Variants in HOMER1 observed in about 807,000 individuals in gnomAD.
The protein encoded by HOMER1 is homer protein homolog 1.
A neutral mutation model predicts 48.9 loss-of-function variants in HOMER1; 3 were observed. The ratio of observed to expected loss-of-function variants is 0.06; its 90% CI spans 0.03 to 0.16. The LOEUF (loss-of-function observed/expected upper bound fraction) is 0.16. HOMER1 is among the 10% of genes least tolerant of loss of function. The pLI, the probability that HOMER1 is intolerant of heterozygous loss-of-function variation, is 1.00. For synonymous variants in HOMER1, 134 were observed against 146.4 expected (o/e 0.92, Z 0.61); for missense variants, 247 against 411.4 (o/e 0.60, Z 3.46).
At position 79,372,647 on chromosome 5, in the gene HOMER1, T is replaced by C. The variant is rs890324004; in HGVS notation, c.*3362A>G. On this transcript the variant is annotated 3_prime_UTR_variant, in exon 9 of 9. Transcript: ENST00000334082. ...ATTTGATATCAAATAAATGCAATGG[T>C]TAAAACAACAATAAGAATCCACTGC... 1 of 152,108 alleles carries C rather than the reference T, an allele frequency of 6.6e-6. No individual in the cohort carries two copies. Among genetic ancestry groups the C allele is most frequent in the African/African-American group, 2.4e-5 (1 of 41,420 alleles). The allele number at this position is 152,108 out of a possible 1,614,324, so 9.4% of individuals were successfully genotyped here. A position where few individuals can be genotyped will look rare whatever the true frequency, so the allele number is the denominator to read the frequency against.
chr5:79,456,787 T>C, intron 2 of HOMER1, 75 bp downstream of exon 2: 1 of 1,251,810 alleles, frequency 8.0e-7, no homozygotes, highest in South Asian at 1.6e-5. Context: ...GAAGATAAAA[T>C]GTTCTGAATA....
intron 5 of HOMER1, among the ~76,000 whole-genome samples, chr5:79,407,425 A>G (rs1297467988): frequency 6.6e-6 from 1 of 152,260 alleles, no homozygotes; most frequent in Non-Finnish European, 1.5e-5. Context: ...TAAGATAGCA[A>G]TGTTAAAGGT....
intron 1 of HOMER1, among the ~76,000 whole-genome samples, chr5:79,484,232 A>G (rs1297943361): frequency 6.6e-6 from 1 of 152,146 alleles, no homozygotes; most frequent in Admixed American, 6.5e-5. Flanking sequence ...AATCATTTAA[A>G]AAGAAAAGGT....
At chr5:79,491,530 C>T (rs576480242) in intron 1 of HOMER1, among the ~76,000 whole-genome samples, 5 of 149,478 alleles carry the variant, frequency 3.3e-5, no homozygotes, top group Middle Eastern at 3.5e-3. Flanking sequence ...CTTGCTTGGG[C>T]TTTCTTTATG....
intron 5 of HOMER1, among the ~76,000 whole-genome samples, chr5:79,422,836 TTTTTTTTTTTG>T (rs1056562823): frequency 1.4e-5 from 2 of 142,616 alleles, no homozygotes; most frequent in African/African-American, 5.9e-5. Context: ...TCTTTTTTTT[TTTTTTTTTTTG>T]GCTAGTCAAG....
chr5:79,454,440 G>A (rs996098415), intron 2 of HOMER1, among the ~76,000 whole-genome samples: 7 of 151,484 alleles, frequency 4.6e-5, no homozygotes, highest in African/African-American at 1.7e-4. Context: ...AGAATTCAAG[G>A]TTCAAATAAG....
intron 1 of HOMER1, among the ~76,000 whole-genome samples, chr5:79,498,017 T>A (rs1752475049): frequency 6.6e-6 from 1 of 152,158 alleles, no homozygotes; most frequent in African/African-American, 2.4e-5. Context: ...TGATGCAGGT[T>A]CAAAATTGAG....
At chr5:79,500,783 C>T (rs938172414) in intron 1 of HOMER1, among the ~76,000 whole-genome samples, 2 of 151,946 alleles carry the variant, frequency 1.3e-5, no homozygotes, top group African/African-American at 4.8e-5. Flanking sequence ...CGCTACCACA[C>T]ACAGCTAATT....
chr5:79,400,306 T>G (rs1429056233), intron 6 of HOMER1, among the ~76,000 whole-genome samples: 1 of 151,940 alleles, frequency 6.6e-6, no homozygotes, highest in Non-Finnish European at 1.5e-5. Flanking sequence ...TAACATTTAC[T>G]CAAGTTTCTA....
At chr5:79,425,552 A>G (rs1442969756) in intron 5 of HOMER1, among the ~76,000 whole-genome samples, 2 of 152,068 alleles carry the variant, frequency 1.3e-5, no homozygotes, top group African/African-American at 4.8e-5. Context: ...GGGTTGCGAG[A>G]CTTCGAAGAT....
At chr5:79,399,799 AT>A (rs1031795742) in intron 6 of HOMER1, among the ~76,000 whole-genome samples, 3 of 152,218 alleles carry the variant, frequency 2.0e-5, no homozygotes, top group African/African-American at 7.2e-5. Flanking sequence ...GACAAAATTT[AT>A]CTAAATAAAA....
At chr5:79,473,817 A>T (rs1028638976) in intron 1 of HOMER1, among the ~76,000 whole-genome samples, 1 of 152,198 alleles carries the variant, frequency 6.6e-6, no homozygotes, top group Admixed American at 6.5e-5. Flanking sequence ...CAATAATTTT[A>T]AAAACTTTAT....
At chr5:79,378,764 G>T (rs891876297) in intron 8 of HOMER1, among the ~76,000 whole-genome samples, 1 of 151,906 alleles carries the variant, frequency 6.6e-6, no homozygotes, top group Non-Finnish European at 1.5e-5. Context: ...AAAATGAAAG[G>T]TTCCCTTGTT....
intron 1 of HOMER1, among the ~76,000 whole-genome samples, chr5:79,457,878 T>G (rs1193476532): frequency 1.3e-5 from 2 of 152,216 alleles, no homozygotes; most frequent in African/African-American, 4.8e-5. Context: ...GTATCTTATA[T>G]TTGACTCTTA....
chr5:79,496,188 G>C (rs1752415574), intron 1 of HOMER1, among the ~76,000 whole-genome samples: 1 of 152,218 alleles, frequency 6.6e-6, no homozygotes, highest in South Asian at 2.1e-4. Context: ...GGACTGCAGA[G>C]GAGGTGTGAA....
chr5:79,396,853 T>C lies in HOMER1; in HGVS notation c.846A>G (p.Glu282=), dbSNP rs779183363. 33 of 1,604,396 alleles carry C rather than the reference T, an allele frequency of 2.1e-5. No individual in the cohort carries two copies. The East Asian group carries it at 5.8e-4, about 28-fold the overall frequency. The part of the protein sequence containing the change: ...QEIDNARELQ[E]QRDSLTQKLQ... ...GTTTCTGAGTCAAAGAATCCCTCTGTTCTTGTAGTTCTCTGGCATTATCAA... is the reference window on the plus strand; with the variant it reads ...GTTTCTGAGTCAAAGAATCCCTCTGCTCTTGTAGTTCTCTGGCATTATCAA... Residue 282 remains glutamate, a synonymous_variant, in exon 8 of 9, where the codon GAA becomes GAG. Transcript: ENST00000334082.
At chr5:79,420,421 A>C (rs1379456712) in intron 5 of HOMER1, among the ~76,000 whole-genome samples, 1 of 152,032 alleles carries the variant, frequency 6.6e-6, no homozygotes, top group Non-Finnish European at 1.5e-5. Context: ...ACTTCTACCC[A>C]CTGGAAGGAT....
At chr5:79,493,138 T>C (rs975984388) in intron 1 of HOMER1, among the ~76,000 whole-genome samples, 2 of 152,058 alleles carry the variant, frequency 1.3e-5, no homozygotes, top group Admixed American at 6.5e-5. Context: ...AGGCTGGTCT[T>C]GAACTCCTGA....
intron 1 of HOMER1, among the ~76,000 whole-genome samples, chr5:79,497,503 A>G (rs971905384): frequency 6.6e-6 from 1 of 151,762 alleles, no homozygotes; most frequent in East Asian, 1.9e-4. Flanking sequence ...ATAAATAAAT[A>G]AATAAATAAA....
Sources: allele counts gnomAD v4.1 joint callset (sites outside exome capture counted in the v4.1 genomes callset), GRCh38; gene constraint gnomAD v4.1.1; transcripts MANE v1.5; gene names NCBI Gene and HGNC (gene_info 2026-07-23, HGNC 2026-07-21).